AQR: variants seen among roughly 807,000 people sequenced by gnomAD.
AQR encodes the protein RNA helicase aquarius.
A neutral mutation model predicts 180.5 loss-of-function variants in AQR; 61 were observed. The ratio of observed to expected loss-of-function variants is 0.34; its 90% CI spans 0.28 to 0.42. AQR has a LOEUF of 0.42. AQR is among the 10% of genes least tolerant of loss of function. The pLI is 1.00. For synonymous variants in AQR, 551 were observed against 588.8 expected (o/e 0.94, Z 0.93); for missense variants, 1,281 against 1,798.3 (o/e 0.71, Z 5.20).
rs1003536502 is a variant in AQR at position 34,963,745 on chromosome 15, G to A, written c.132+489C>T. 6.7e-5 allele frequency among the ~76,000 whole-genome samples: 10 copies of A among 149,736 alleles called. No homozygotes were observed. In the East Asian group the frequency reaches 9.7e-4, roughly 15 times the overall value. Reference sequence around the variant, plus strand: ...GTGGTGCGATCTCGACTCACTGCACGCTCCGCCTCCCAGGTTCACGCCATT... The same window carrying A: ...GTGGTGCGATCTCGACTCACTGCACACTCCGCCTCCCAGGTTCACGCCATT... On this transcript the variant is annotated intron_variant, in intron 2 of 34. Coordinates refer to ENST00000156471, the MANE Select transcript of AQR (RefSeq NM_014691.3).
At chr15:34,963,292 T>A (rs1485888062) in intron 2 of AQR, among the ~76,000 whole-genome samples, 1 of 152,204 alleles carries the variant, frequency 6.6e-6, no homozygotes, top group Non-Finnish European at 1.5e-5. Flanking sequence ...GACCTCTCTT[T>A]AAGAACCTAA....
intron 16 of AQR, among the ~76,000 whole-genome samples, chr15:34,913,640 G>A (rs770109654): frequency 1.2e-4 from 18 of 152,134 alleles, no homozygotes; most frequent in Non-Finnish European, 1.8e-4. Flanking sequence ...TGGCATTTAA[G>A]TAAAATATAA....
At chr15:34,942,185 G>C in intron 6 of AQR, 105 bp from the exon 7 acceptor site, 1 of 625,628 alleles carries the variant, frequency 1.6e-6, no homozygotes, top group East Asian at 3.1e-5. Flanking sequence ...GGGAAAACAT[G>C]CCACAAATAT....
intron 27 of AQR, among the ~76,000 whole-genome samples, chr15:34,878,728 T>C (rs542115523): frequency 6.6e-6 from 1 of 152,204 alleles, no homozygotes; most frequent in African/African-American, 2.4e-5. Context: ...AATATTTAAC[T>C]TCGTGTTTGT....
At chr15:34,882,402 GAA>G in intron 27 of AQR, 98 bp downstream of exon 27, 1 of 1,220,284 alleles carries the variant, frequency 8.2e-7, no homozygotes, top group South Asian at 2.4e-5. Flanking sequence ...ACTTATAAAA[GAA>G]ACATTTTAAG....
chr15:34,878,164 C>G (rs571000937), intron 27 of AQR, among the ~76,000 whole-genome samples: 2 of 152,076 alleles, frequency 1.3e-5, no homozygotes, highest in South Asian at 4.2e-4. Flanking sequence ...GCAGGTGGAT[C>G]CCTTGAGCTC....
chr15:34,942,442 A>C (rs1250049696), intron 6 of AQR, among the ~76,000 whole-genome samples: 1 of 152,232 alleles, frequency 6.6e-6, no homozygotes, highest in Non-Finnish European at 1.5e-5. Flanking sequence ...TCATACTGTA[A>C]GAAACAAGTA....
chr15:34,895,786 CAACAA>C (rs1195799422), intron 22 of AQR, among the ~76,000 whole-genome samples: 1 of 151,998 alleles, frequency 6.6e-6, no homozygotes, highest in Non-Finnish European at 1.5e-5. Context: ...TTTCAGTAAT[CAACAA>C]AACAACAGAC....
chr15:34,877,853 C>T (rs1284634338), intron 27 of AQR, among the ~76,000 whole-genome samples: 1 of 152,106 alleles, frequency 6.6e-6, no homozygotes, highest in Non-Finnish European at 1.5e-5. Context: ...AGGCCAGGGA[C>T]CAGGCTAGGA....
Position 34,956,040 on chromosome 15 carries a change from A to G in AQR, c.174-3120T>C, listed in dbSNP as rs190336229. On this transcript the variant is annotated intron_variant, in intron 3 of 34. Coordinates refer to ENST00000156471, the MANE Select transcript of AQR (RefSeq NM_014691.3). The stretch of plus-strand genomic sequence containing the variant: ...CATACTTACATATTATAATGATAAA[A>G]AAAAGAAACAAGCAGAGAGCTTCTG... 2.8e-3 allele frequency among the ~76,000 whole-genome samples: 422 copies of G among 152,296 alleles called. 1 individual carries two copies. Among genetic ancestry groups the G allele is most frequent in the African/African-American group, 9.6e-3 (400 of 41,568 alleles).
rs960508104 is a variant in AQR at position 34,896,939 on chromosome 15, C to T, written c.2418G>A (p.Gln806=). 1.2e-6 allele frequency: 2 copies of T among 1,613,458 alleles called. No individual in the cohort carries two copies. The highest frequency in any genetic ancestry group is 8.5e-7 in the Non-Finnish European group (1 of 1,179,368). The change falls in exon 22 of 35, where the codon CAG becomes CAA. Residue 806 remains glutamine, a synonymous_variant. Transcript: ENST00000156471. ...KRNTIQFTHT[Q]IEAIRAGMQP... Reference sequence around the variant, plus strand: ...GCATTCCAGCACGGATGGCTTCTATCTGTGTATGAGTGAACTGAATCGTAT... The same window carrying T: ...GCATTCCAGCACGGATGGCTTCTATTTGTGTATGAGTGAACTGAATCGTAT...
At chr15:34,948,426 C>T (rs1211941500) in intron 4 of AQR, 42 bp from the exon 5 acceptor site, 5 of 1,596,892 alleles carry the variant, frequency 3.1e-6, no homozygotes, top group African/African-American at 1.3e-5. Flanking sequence ...TTAGTTACCA[C>T]CACTCACTGT....
At chr15:34,941,915 A>T in intron 7 of AQR, 97 bp downstream of exon 7, 1 of 865,854 alleles carries the variant, frequency 1.2e-6, no homozygotes, top group Non-Finnish European at 1.6e-6. Flanking sequence ...AGGGGTATTT[A>T]GCTACCACTT....
At chr15:34,867,031 C>T (rs1892745723) in intron 32 of AQR, among the ~76,000 whole-genome samples, 1 of 152,042 alleles carries the variant, frequency 6.6e-6, no homozygotes, top group Admixed American at 6.6e-5. Context: ...TTCCGTAAAT[C>T]TCTAGCACAT....
intron 34 of AQR, among the ~76,000 whole-genome samples, chr15:34,858,135 C>T (rs1198207170): frequency 6.6e-6 from 1 of 151,738 alleles, no homozygotes; most frequent in Non-Finnish European, 1.5e-5. Context: ...AGACATGTAC[C>T]ACCATGCCTG....
At chr15:34,897,357 T>C (rs539325093) in intron 21 of AQR, among the ~76,000 whole-genome samples, 12 of 152,302 alleles carry the variant, frequency 7.9e-5, no homozygotes, top group Non-Finnish European at 1.3e-4. Context: ...TACCTGAAAA[T>C]GTTTCTTTTT....
At chr15:34,969,505 C>T in intron 1 of AQR, 34 bp downstream of exon 1, 1 of 1,611,922 alleles carries the variant, frequency 6.2e-7, no homozygotes, top group South Asian at 1.1e-5. Flanking sequence ...GACGTCCATA[C>T]CCACTCACAC....
chr15:34,966,120 T>A (rs1298815178), intron 1 of AQR, among the ~76,000 whole-genome samples: 1 of 152,076 alleles, frequency 6.6e-6, no homozygotes, highest in Non-Finnish European at 1.5e-5. Context: ...AGTACAGCTA[T>A]GACAGTATAA....
intron 27 of AQR, among the ~76,000 whole-genome samples, chr15:34,876,500 C>T (rs1892891234): frequency 6.6e-6 from 1 of 152,044 alleles, no homozygotes; most frequent in Non-Finnish European, 1.5e-5. Flanking sequence ...TCAATTTTAC[C>T]TTCAAAACTC....
Sources: allele counts gnomAD v4.1 joint callset (sites outside exome capture counted in the v4.1 genomes callset), GRCh38; gene constraint gnomAD v4.1.1; transcripts MANE v1.5; gene names NCBI Gene and HGNC (gene_info 2026-07-23, HGNC 2026-07-21).